The following LDLRAD2 variants were observed in gnomAD, a reference collection of about 807,000 sequenced individuals.
LDLRAD2 encodes the protein low-density lipoprotein receptor class A domain-containing protein 2.
In LDLRAD2, 25 loss-of-function variants were observed where a neutral mutation model predicts 24.9. The ratio of observed to expected loss-of-function variants is 1.00; its 90% CI spans 0.73 to 1.40. The LOEUF is 1.40. Among genes scored for constraint, LDLRAD2 ranks in the 40% most tolerant of loss-of-function variants. LDLRAD2 has a pLI of 0.00. For synonymous variants in LDLRAD2, 182 were observed against 166.7 expected (o/e 1.09, Z -0.71); for missense variants, 391 against 366.2 (o/e 1.07, Z -0.55).
intron 3 of LDLRAD2, among the ~76,000 whole-genome samples, chr1:21,818,255 A>G (rs536628057): frequency 7.4e-5 from 11 of 148,508 alleles, no homozygotes; most frequent in Non-Finnish European, 1.0e-4. Context: ...CAAGTGATCC[A>G]CCCGCCTTGG....
Position 21,812,265 on chromosome 1 carries a change from C to G in LDLRAD2, c.-187C>G. ...TCCATGGCAACCCCTGGACACAGTT[C>G]TGAACCAAATGAAGAGGATCTGGAA... On this transcript the variant is annotated 5_prime_UTR_variant, in exon 1 of 5. Coordinates refer to ENST00000344642, the MANE Select transcript of LDLRAD2 (RefSeq NM_001013693.3). The G allele has an allele frequency of 1.8e-6, 1 of 563,128 alleles. No individual in the cohort carries two copies. Among genetic ancestry groups the G allele is most frequent in the East Asian group, 3.0e-5 (1 of 33,052 alleles). 34.9% of individuals were successfully genotyped at this position (563,128 alleles called of 1,614,324 possible).
At chr1:21,815,865 C>G in intron 2 of LDLRAD2, 78 bp from the exon 3 acceptor site, 1 of 1,558,590 alleles carries the variant, frequency 6.4e-7, no homozygotes, top group Non-Finnish European at 8.7e-7. Context: ...CCCACACTGT[C>G]ACCATGGGGG....
chr1:21,823,357 G>C lies in LDLRAD2; in HGVS notation c.*1142G>C, dbSNP rs576049096. The C allele has an allele frequency of 1.3e-6, 2 of 1,545,232 alleles. No individual in the cohort carries two copies. The highest frequency in any genetic ancestry group is 3.9e-5 in the Admixed American group (2 of 51,580). On this transcript the variant is annotated 3_prime_UTR_variant, in exon 5 of 5. Coordinates refer to ENST00000344642, the MANE Select transcript of LDLRAD2 (RefSeq NM_001013693.3). ...CGTGTGTTGGCCCCGGCCTGGGCGC[G>C]GTGCTGCAGGTCCAGGGGCTGTGGG...
In LDLRAD2 at chr1:21,814,585, C is replaced by G. The variant is rs766338706; in HGVS notation, c.273C>G (p.Pro91=). Residue 91 remains proline (P), a synonymous_variant, in exon 2 of 5, where the codon CCC becomes CCG. Transcript: ENST00000344642. ...FRFFLVYSLT[P]APPALNTSSP... ...TCTTCCTGGTCTACAGCCTGACCCC[C>G]GCGCCCCCGGCGCTCAACACCTCCT... The G allele has an allele frequency of 6.8e-6, 11 of 1,611,772 alleles. No homozygotes were observed. The highest frequency in any genetic ancestry group is 1.7e-4 in the Middle Eastern group (1 of 6,048).
At chr1:21,820,384 G>A (rs1256829321) in intron 3 of LDLRAD2, among the ~76,000 whole-genome samples, 1 of 152,002 alleles carries the variant, frequency 6.6e-6, no homozygotes, top group East Asian at 1.9e-4. Context: ...TTAGCTGGGC[G>A]CAGTGGCGGG....
At chr1:21,813,246 G>A (rs559123239) in intron 1 of LDLRAD2, among the ~76,000 whole-genome samples, 33 of 152,190 alleles carry the variant, frequency 2.2e-4, no homozygotes, top group Non-Finnish European at 3.5e-4. Flanking sequence ...AGTGAGCCGA[G>A]ATTGCGCCAC....
chr1:21,812,311 G>C lies in LDLRAD2; in HGVS notation c.-141G>C, dbSNP rs2097939312. Reference sequence around the variant, plus strand: ...TGGAAGGCAAAGCACTAAGATCATAGTGAAGACTTGCCTCCCCCTTCTCCT... The same window carrying C: ...TGGAAGGCAAAGCACTAAGATCATACTGAAGACTTGCCTCCCCCTTCTCCT... On this transcript the variant is annotated 5_prime_UTR_variant, in exon 1 of 5. Coordinates refer to ENST00000344642, the MANE Select transcript of LDLRAD2 (RefSeq NM_001013693.3). 1 of 631,322 alleles carries C rather than the reference G, an allele frequency of 1.6e-6. No individual in the cohort carries two copies. Among genetic ancestry groups the C allele is most frequent in the African/African-American group, 1.8e-5 (1 of 54,620 alleles). 39.1% of individuals were successfully genotyped at this position (631,322 alleles called of 1,614,324 possible).
chr1:21,814,912 C>A (rs905387824), intron 2 of LDLRAD2, 89 bp downstream of exon 2: 5 of 1,233,992 alleles, frequency 4.1e-6, no homozygotes, highest in Non-Finnish European at 4.2e-6. Flanking sequence ...AGGGCCGCTG[C>A]CGACAGGGGA....
intron 2 of LDLRAD2, 72 bp downstream of exon 2, chr1:21,814,895 C>A: frequency 7.5e-7 from 1 of 1,334,730 alleles, no homozygotes; most frequent in African/African-American, 1.5e-5. Context: ...CAGTGGGGGC[C>A]CCGGTGAGGG....
Position 21,824,220 on chromosome 1 carries a change from C to T in LDLRAD2, c.*2005C>T, listed in dbSNP as rs561983449. 4 of 1,613,768 alleles carry T rather than the reference C, an allele frequency of 2.5e-6. No homozygotes were observed. The highest frequency in any genetic ancestry group is 2.2e-5 in the South Asian group (2 of 91,082). The stretch of plus-strand genomic sequence containing the variant: ...CAGCTGGTACCTGCAGTCATCCAGG[C>T]CCAAGAAGTATGAGCTGGGGCAGGA... On this transcript the variant is annotated 3_prime_UTR_variant, in exon 5 of 5. Coordinates refer to ENST00000344642, the MANE Select transcript of LDLRAD2 (RefSeq NM_001013693.3). This position sits in a 1 kb window ranked among gnomAD's most constrained non-coding sequence, Gnocchi z 5.9.
At chr1:21,814,946 A>G in intron 2 of LDLRAD2, 123 bp downstream of exon 2, 2 of 959,862 alleles carry the variant, frequency 2.1e-6, no homozygotes, top group East Asian at 3.1e-5. Context: ...CCGAAGCACA[A>G]GATGGCAGGG....
In LDLRAD2 at chr1:21,824,138, G is replaced by A; in HGVS notation, c.*1923G>A. 2 of 1,613,414 alleles carry A rather than the reference G, an allele frequency of 1.2e-6. No homozygotes were observed. Among genetic ancestry groups the A allele is most frequent in the Non-Finnish European group, 1.7e-6 (2 of 1,179,996 alleles). On this transcript the variant is annotated 3_prime_UTR_variant, in exon 5 of 5. Transcript: ENST00000344642. This position sits in a 1 kb window ranked among gnomAD's most constrained non-coding sequence, Gnocchi z 5.9. ...TCCCTTACCGCAGTGCTGTCACCCGGTGCCACTCGCCGTCATTGATGGGGT... is the reference window on the plus strand; with the variant it reads ...TCCCTTACCGCAGTGCTGTCACCCGATGCCACTCGCCGTCATTGATGGGGT...
intron 3 of LDLRAD2, among the ~76,000 whole-genome samples, chr1:21,820,758 AG>A (rs2097950328): frequency 6.6e-6 from 1 of 152,206 alleles, no homozygotes; most frequent in Admixed American, 6.5e-5. Flanking sequence ...AAGAAATACT[AG>A]TCAAATGAAT....
Position 21,823,577 on chromosome 1 carries a change from C to G in LDLRAD2, c.*1362C>G. 6.2e-7 allele frequency: 1 copy of G among 1,609,438 alleles called. No homozygotes were observed. Among genetic ancestry groups the G allele is most frequent in the Non-Finnish European group, 8.5e-7 (1 of 1,176,292 alleles). ...GCGAGCTCTAGCCCTAAGGGAGTGC[C>G]GTTCCTGCCCCTGCCCTGAGAAGGA... On this transcript the variant is annotated 3_prime_UTR_variant, in exon 5 of 5. Coordinates refer to ENST00000344642, the MANE Select transcript of LDLRAD2 (RefSeq NM_001013693.3).
intron 3 of LDLRAD2, among the ~76,000 whole-genome samples, chr1:21,818,287 C>T (rs1430549082): frequency 2.0e-5 from 3 of 152,216 alleles, no homozygotes; most frequent in Non-Finnish European, 4.4e-5. Flanking sequence ...GCTGGGATTA[C>T]AGGCGTGAGC....
In LDLRAD2 at chr1:21,816,029, G is replaced by A. The variant is rs777107695; in HGVS notation, c.598G>A (p.Gly200Ser). The A allele has an allele frequency of 6.2e-7, 1 of 1,613,754 alleles. No homozygotes were observed. Among genetic ancestry groups the A allele is most frequent in the Non-Finnish European group, 8.5e-7 (1 of 1,179,996 alleles). The change falls in exon 3 of 5, where the codon GGC becomes AGC. Residue 200 changes from glycine to serine, a missense_variant. Physicochemically the swap from Gly to Ser is moderately conservative, Grantham distance 56 (BLOSUM62 0). Coordinates refer to ENST00000344642, the MANE Select transcript of LDLRAD2 (RefSeq NM_001013693.3). ...TGACCCCTGGGGCATGGACAACTGT[G>A]GCGATGGCAGTGACCAGGGCTCCTG... is the stretch of plus-strand genomic sequence containing the variant. ...VCDPWGMDNC[G>S]DGSDQGSWSP... is the part of the protein sequence containing the mutation.
chr1:21,818,650 C>G (rs2152678510), intron 3 of LDLRAD2, among the ~76,000 whole-genome samples: 1 of 152,316 alleles, frequency 6.6e-6, no homozygotes, highest in South Asian at 2.1e-4. Flanking sequence ...CATCTTTCCC[C>G]ACTGTATTCT....
rs373936159 is a variant in LDLRAD2 at position 21,824,097 on chromosome 1, C to T, written c.*1882C>T. 4.6e-5 allele frequency: 73 copies of T among 1,604,330 alleles called. 1 individual carries two copies. Among genetic ancestry groups the T allele is most frequent in the African/African-American group, 3.2e-4 (24 of 74,906 alleles). The stretch of plus-strand genomic sequence containing the variant: ...CACTCCAGAACGCTGGGCCCCATCC[C>T]GAGTGCCCGGCAGGGTCCCTTACCG... On this transcript the variant is annotated 3_prime_UTR_variant, in exon 5 of 5. Coordinates refer to ENST00000344642, the MANE Select transcript of LDLRAD2 (RefSeq NM_001013693.3). The surrounding 1 kb of genome is among the most constrained non-coding windows in gnomAD (Gnocchi z 5.9).
chr1:21,817,291 A>G (rs1275447871), intron 3 of LDLRAD2, among the ~76,000 whole-genome samples: 1 of 152,170 alleles, frequency 6.6e-6, no homozygotes, highest in African/African-American at 2.4e-5. Context: ...CAACACAGGA[A>G]GAAGGAAGCC....
Sources: allele counts gnomAD v4.1 joint callset (sites outside exome capture counted in the v4.1 genomes callset), GRCh38; gene constraint gnomAD v4.1.1; non-coding constraint Gnocchi (gnomAD v3.1); transcripts MANE v1.5; gene names NCBI Gene and HGNC (gene_info 2026-07-23, HGNC 2026-07-21).